The following PLCL2 variants were observed in gnomAD, a reference collection of about 807,000 sequenced individuals.
PLCL2 encodes inactive phospholipase C-like protein 2.
A neutral mutation model predicts 79.6 loss-of-function variants in PLCL2; 4 were observed. The ratio of observed to expected loss-of-function variants is 0.05; its 90% CI spans 0.02 to 0.11. The LOEUF (loss-of-function observed/expected upper bound fraction) is 0.11. PLCL2 is among the 10% of genes least tolerant of loss of function. PLCL2 has a pLI of 1.00. For synonymous variants in PLCL2, 484 were observed against 457.7 expected, an observed-to-expected ratio of 1.06 and a Z score of -0.73; for missense variants, 895 against 1,291.0, an observed-to-expected ratio of 0.69 and a Z score of 4.70.
intron 3 of PLCL2, among the ~76,000 whole-genome samples, chr3:17,028,678 T>G (rs2064544955): frequency 6.6e-6 from 1 of 152,004 alleles, no homozygotes. Flanking sequence ...AGGTGGGGTT[T>G]TGCCATGTTG....
chr3:16,980,006 C>G (rs566848191), intron 1 of PLCL2, among the ~76,000 whole-genome samples: 3 of 147,436 alleles, frequency 2.0e-5, no homozygotes, highest in Non-Finnish European at 4.5e-5. Flanking sequence ...GGCAGCTGGC[C>G]GGGCAGAGGG....
chr3:17,073,886 C>T (rs1396347627), intron 5 of PLCL2, among the ~76,000 whole-genome samples: 1 of 152,108 alleles, frequency 6.6e-6, no homozygotes, highest in Non-Finnish European at 1.5e-5. Flanking sequence ...ATTTTCATTC[C>T]ATCTGCATTT....
Position 17,010,039 on chromosome 3 carries a change from G to T in PLCL2, c.693G>T (p.Leu231Phe). ...IYGENYESLD[L>F]VANSADVANI... The stretch of plus-strand genomic sequence containing the variant: ...GAGAGAATTATGAGTCACTGGATTT[G>T]GTTGCCAACTCCGCAGATGTTGCAA... The change falls in exon 2 of 6, where the codon TTG becomes TTT. Residue 231 changes from leucine to phenylalanine, a missense_variant. Physicochemically the swap from Leu to Phe is conservative, Grantham distance 22 (BLOSUM62 0). Around this residue, in one of 6 missense-constraint regions of PLCL2, gnomAD observed 129 missense variants for 208.8 expected, o/e 0.62. Coordinates refer to ENST00000615277, the MANE Select transcript of PLCL2 (RefSeq NM_001144382.2). The surrounding 1 kb of genome is among the most constrained non-coding windows in gnomAD (Gnocchi z 5.8). 2 of 1,613,056 alleles carry T rather than the reference G, an allele frequency of 1.2e-6. No homozygotes were observed. The highest frequency in any genetic ancestry group is 4.5e-5 in the East Asian group (2 of 44,848).
At chr3:17,035,202 A>G (rs2124913482) in intron 3 of PLCL2, among the ~76,000 whole-genome samples, 1 of 152,252 alleles carries the variant, frequency 6.6e-6, no homozygotes, top group Non-Finnish European at 1.5e-5. Flanking sequence ...CCCTATTGTA[A>G]CCACCAGTTC....
chr3:16,996,040 T>A (rs1005855067), intron 1 of PLCL2, among the ~76,000 whole-genome samples: 3 of 152,118 alleles, frequency 2.0e-5, no homozygotes, highest in African/African-American at 7.2e-5. Context: ...CAGAGAATAA[T>A]ATGGGCAGGG....
At chr3:17,019,736 C>G (rs1161163875) in intron 3 of PLCL2, among the ~76,000 whole-genome samples, 1 of 152,106 alleles carries the variant, frequency 6.6e-6, no homozygotes, top group African/African-American at 2.4e-5. Context: ...TCAAATCCCA[C>G]TCAAAGAAAT....
At chr3:16,926,084 TG>T (rs1224630466) in intron 1 of PLCL2, among the ~76,000 whole-genome samples, 9 of 152,204 alleles carry the variant, frequency 5.9e-5, no homozygotes, top group Admixed American at 4.6e-4. Context: ...GGAGAATGTC[TG>T]CATGAAAACA....
chr3:17,084,978 A>G (rs1476465562), intron 5 of PLCL2, among the ~76,000 whole-genome samples: 1 of 152,208 alleles, frequency 6.6e-6, no homozygotes, highest in Admixed American at 6.5e-5. Context: ...CTTGAGAAGG[A>G]AGAAATAAAA....
In PLCL2 at chr3:17,009,859, C is replaced by T. The variant is rs772442848; in HGVS notation, c.513C>T (p.Ser171=). The change falls in exon 2 of 6, where the codon AGC becomes AGT. Residue 171 remains serine (S), a synonymous_variant. Transcript: ENST00000615277. The surrounding 1 kb of genome is among the most constrained non-coding windows in gnomAD (Gnocchi z 4.0). ...RYFLLDADMQ[S]LRWEPSKKDS... ...TTTTACTGGATGCTGACATGCAGAG[C>T]CTAAGGTGGGAGCCATCTAAGAAGG... 14 of 1,613,366 alleles carry T rather than the reference C, an allele frequency of 8.7e-6. 1 individual carries two copies. In the East Asian group the frequency reaches 3.1e-4, roughly 36 times the overall value.
chr3:17,011,767 C>G lies in PLCL2; in HGVS notation c.2421C>G (p.Asp807Glu). Reference sequence around the variant, plus strand: ...CAAAAACAGTGCACCAGAATGGAGACGCTCCCATTTTTGATGAAAGCTTTG... The same window carrying G: ...CAAAAACAGTGCACCAGAATGGAGAGGCTCCCATTTTTGATGAAAGCTTTG... ...QRTKTVHQNG[D>E]APIFDESFEF... is the part of the protein sequence containing the mutation. Residue 807 changes from aspartate to glutamate, a missense_variant, in exon 2 of 6, where the codon GAC becomes GAG. Asp to Glu is a conservative substitution (Grantham distance 45). This residue lies in a region of PLCL2 where 298 missense variants were observed against 459.6 expected (regional missense o/e 0.65). Coordinates refer to ENST00000615277, the MANE Select transcript of PLCL2 (RefSeq NM_001144382.2). The surrounding 1 kb of genome is among the most constrained non-coding windows in gnomAD (Gnocchi z 7.9). 1.2e-6 allele frequency: 2 copies of G among 1,614,156 alleles called. No homozygotes were observed. Among genetic ancestry groups the G allele is most frequent in the Non-Finnish European group, 1.7e-6 (2 of 1,180,020 alleles).
chr3:16,950,819 G>T (rs1312062225), intron 1 of PLCL2, among the ~76,000 whole-genome samples: 2 of 152,066 alleles, frequency 1.3e-5, no homozygotes, highest in African/African-American at 4.8e-5. Context: ...ATTTGTTAAT[G>T]TAGTAATGAC....
At chr3:16,905,034 T>C (rs139918154) in intron 1 of PLCL2, among the ~76,000 whole-genome samples, 1 of 152,258 alleles carries the variant, frequency 6.6e-6, no homozygotes, top group Non-Finnish European at 1.5e-5. Flanking sequence ...ATGGTACAGC[T>C]CTGGCAGTCT....
At chr3:17,025,470 A>G (rs191976658) in intron 3 of PLCL2, among the ~76,000 whole-genome samples, 139 of 152,332 alleles carry the variant, frequency 9.1e-4, no homozygotes, top group African/African-American at 3.2e-3. Flanking sequence ...ATTTGTGGAC[A>G]TGAGCTTTTG....
rs1220255415 is a variant in PLCL2, at chr3:17,000,013, C to T, written c.328-9661C>T. On this transcript the variant is annotated intron_variant, in intron 1 of 5. Coordinates refer to ENST00000615277, the MANE Select transcript of PLCL2 (RefSeq NM_001144382.2). ...AGTTTATGTTAATAAGGCCATGATT[C>T]TAAACTTCTTAGAGGAAGGGAGGTG... Among the ~76,000 whole-genome samples, 3 of 152,066 alleles carry T rather than the reference C, an allele frequency of 2.0e-5. No individual in the cohort carries two copies. In the East Asian group the frequency reaches 5.8e-4, roughly 29 times the overall value.
At chr3:16,927,864 A>G (rs1251474363) in intron 1 of PLCL2, among the ~76,000 whole-genome samples, 1 of 152,232 alleles carries the variant, frequency 6.6e-6, no homozygotes, top group African/African-American at 2.4e-5. Context: ...GGAAACCCTT[A>G]TTTAGACAAC....
chr3:16,979,279 C>CG (rs2063956362), intron 1 of PLCL2, among the ~76,000 whole-genome samples: 1 of 151,758 alleles, frequency 6.6e-6, no homozygotes, highest in Non-Finnish European at 1.5e-5. Flanking sequence ...CATATATGAA[C>CG]CCTATTTAAA....
intron 1 of PLCL2, among the ~76,000 whole-genome samples, chr3:16,989,635 C>T (rs750076329): frequency 4.6e-5 from 7 of 152,100 alleles, no homozygotes; most frequent in Admixed American, 1.3e-4. Context: ...ACATATGTGG[C>T]GCTCATACAT....
chr3:16,967,324 C>T (rs1175336565), intron 1 of PLCL2, among the ~76,000 whole-genome samples: 1 of 151,998 alleles, frequency 6.6e-6, no homozygotes, highest in East Asian at 1.9e-4. Flanking sequence ...TGTTGAATTT[C>T]TTTGAGAAAA....
At chr3:16,967,173 G>T (rs987849515) in intron 1 of PLCL2, among the ~76,000 whole-genome samples, 1 of 152,020 alleles carries the variant, frequency 6.6e-6, no homozygotes, top group Non-Finnish European at 1.5e-5. Flanking sequence ...ACTGTTGATG[G>T]GTATTTAGGT....
Sources: allele counts gnomAD v4.1 joint callset (sites outside exome capture counted in the v4.1 genomes callset), GRCh38; gene constraint gnomAD v4.1.1; regional missense constraint gnomAD v4.1.1; non-coding constraint Gnocchi (gnomAD v3.1); transcripts MANE v1.5; gene names NCBI Gene and HGNC (gene_info 2026-07-23, HGNC 2026-07-21).